Variants in DIABLO observed in about 807,000 individuals in gnomAD.
The protein encoded by DIABLO is diablo homolog, mitochondrial.
A neutral mutation model predicts 31.7 loss-of-function variants in DIABLO; 32 were observed. That is an observed-to-expected ratio of 1.01 (90% CI 0.76 to 1.35). DIABLO has a LOEUF of 1.35. Ranked by LOEUF, DIABLO falls within the 40% of genes most tolerant of loss-of-function variation. The probability of loss-of-function intolerance (pLI) is 0.00; values close to 1 mark genes in which losing one functional copy is unlikely to be tolerated. For synonymous variants in DIABLO, 132 were observed against 103.2 expected (o/e 1.28, Z -1.69); for missense variants, 316 against 286.4 (o/e 1.10, Z -0.75).
intron 5 of DIABLO, 41 bp downstream of exon 5, chr12:122,216,446 TA>T: frequency 6.5e-7 from 1 of 1,538,548 alleles, no homozygotes; most frequent in Non-Finnish European, 9.0e-7. Flanking sequence ...CCTTCCTAGT[TA>T]AAAAATTAAA....
upstream of DIABLO, chr12:122,226,359 A>T (rs1566031578): frequency 6.9e-6 from 3 of 435,358 alleles, no homozygotes; most frequent in Admixed American, 9.4e-5. Flanking sequence ...TTTCCTGGTG[A>T]GTTAGGGAGG....
chr12:122,226,486 G>A, upstream of DIABLO: 1 of 699,122 alleles, frequency 1.4e-6, no homozygotes, highest in Middle Eastern at 3.7e-4. Flanking sequence ...GCCCCGATGA[G>A]CACCGTGTAG....
At chr12:122,222,470 G>T (rs900984893) in intron 2 of DIABLO, 2 of 152,060 alleles carry the variant, frequency 1.3e-5, no homozygotes, top group Non-Finnish European at 2.9e-5. Context: ...GGGTGTGGTG[G>T]CGGGCGCCTG....
chr12:122,210,563 TAG>T (rs1200141388), intron 5 of DIABLO, among the ~76,000 whole-genome samples: 4 of 151,398 alleles, frequency 2.6e-5, no homozygotes, highest in African/African-American at 9.8e-5. Flanking sequence ...TTTATTTTAG[TAG>T]AGACGGGGTT....
At chr12:122,212,894 G>C (rs1954119310) in intron 5 of DIABLO, among the ~76,000 whole-genome samples, 2 of 152,018 alleles carry the variant, frequency 1.3e-5, no homozygotes, top group South Asian at 4.1e-4. Flanking sequence ...TAAAGTGCTG[G>C]GATTACAGGC....
chr12:122,215,497 G>C (rs1159387583), intron 5 of DIABLO, among the ~76,000 whole-genome samples: 1 of 152,204 alleles, frequency 6.6e-6, no homozygotes. Context: ...CCAGCTACTT[G>C]GGAGGCTGAG....
At chr12:122,214,046 C>A (rs1954148043) in intron 5 of DIABLO, among the ~76,000 whole-genome samples, 1 of 152,114 alleles carries the variant, frequency 6.6e-6, no homozygotes, top group East Asian at 1.9e-4. Flanking sequence ...GTTCACACCA[C>A]TGCACTCCAG....
intron 1 of DIABLO, 178 bp downstream of exon 1, chr12:122,225,787 C>G: frequency 1.4e-6 from 2 of 1,455,754 alleles, no homozygotes; most frequent in Non-Finnish European, 1.8e-6. Context: ...CGGGCTTGAC[C>G]CAGGGGGCGG....
chr12:122,225,841 C>T (rs1954452623), intron 1 of DIABLO, 124 bp downstream of exon 1: 15 of 1,521,194 alleles, frequency 9.9e-6, no homozygotes, highest in Non-Finnish European at 1.2e-5. Context: ...CGAGACGCCG[C>T]GACCCAGCTG....
At chr12:122,224,694 G>A in intron 1 of DIABLO, 50 bp from the exon 2 acceptor site, 2 of 1,613,962 alleles carry the variant, frequency 1.2e-6, no homozygotes, top group Non-Finnish European at 1.7e-6. Flanking sequence ...ATCTGTAACA[G>A]GCTCTTGGAT....
In DIABLO at chr12:122,208,418, G is replaced by GCCCGCTCCT. The variant is rs778199816; in HGVS notation, c.674_682dup (p.Glu225_Arg227dup). ...CAGGTAGGCCTCCTGCTCCGACTCA[G>GCCCGCTCCT]CCCGCTCCTCCCCTTCCTCCTGTGT... is the stretch of plus-strand genomic sequence containing the variant. On this transcript the variant is annotated inframe_insertion, in exon 6 of 6. Transcript: ENST00000464942. The GCCCGCTCCT allele has an allele frequency of 5.6e-6, 9 of 1,613,222 alleles. No individual in the cohort carries two copies. In the African/African-American group the frequency reaches 6.7e-5, roughly 12 times the overall value.
chr12:122,225,753 A>AGAT, intron 1 of DIABLO: 4 of 1,437,736 alleles, frequency 2.8e-6, no homozygotes, highest in Non-Finnish European at 3.6e-6. Flanking sequence ...CGTTTCTAGA[A>AGAT]GATGGACGAA....
Position 122,224,568 on chromosome 12 carries a change from G to T in DIABLO, c.127C>A (p.His43Asn). 6.2e-7 allele frequency: 1 copy of T among 1,613,880 alleles called. No individual in the cohort carries two copies. Residue 43 changes from histidine (H) to asparagine (N), a missense_variant, in exon 2 of 6, where the codon CAC becomes AAC. Coordinates refer to ENST00000464942, the MANE Select transcript of DIABLO (RefSeq NM_001371333.1). The part of the protein sequence containing the change: ...RCFSELIRPW[H>N]KTVTIGFGVT... ...CCAAAGCCAATCGTCACAGTTTTGT[G>T]CCATGGTCTTATCAATTCTGAGAAA...
upstream of DIABLO, chr12:122,226,098 A>C (rs1566031083): frequency 6.5e-7 from 1 of 1,537,522 alleles, no homozygotes; most frequent in African/African-American, 1.4e-5. Flanking sequence ...TCCACCTGAG[A>C]GCGCCTCGCC....
intron 5 of DIABLO, among the ~76,000 whole-genome samples, chr12:122,210,670 C>T (rs537862275): frequency 2.8e-4 from 42 of 152,140 alleles, no homozygotes; most frequent in African/African-American, 7.0e-4. Flanking sequence ...TGAGCCACCG[C>T]GCCCAGGTGA....
At chr12:122,212,501 G>A (rs1244835388) in intron 5 of DIABLO, among the ~76,000 whole-genome samples, 10 of 152,106 alleles carry the variant, frequency 6.6e-5, no homozygotes, top group East Asian at 1.9e-4. Context: ...CTAGTGTTGC[G>A]GAGAAGATGC....
chr12:122,215,986 C>T (rs1288173668), intron 5 of DIABLO, among the ~76,000 whole-genome samples: 1 of 151,844 alleles, frequency 6.6e-6, no homozygotes, highest in Non-Finnish European at 1.5e-5. Flanking sequence ...CCCATCTGCC[C>T]TCTAGTTTCT....
At chr12:122,209,492 C>T (rs528105515) in intron 5 of DIABLO, among the ~76,000 whole-genome samples, 1 of 152,236 alleles carries the variant, frequency 6.6e-6, no homozygotes, top group East Asian at 1.9e-4. Flanking sequence ...GGTGAAACCC[C>T]GTTTCTACTA....
At position 122,209,867 on chromosome 12, in the gene DIABLO, CCA is replaced by C. The variant is rs758990009; in HGVS notation, c.524-1292_524-1291del. 12 of 699,922 alleles carry C rather than the reference CCA, an allele frequency of 1.7e-5. No individual in the cohort carries two copies. In the South Asian group the frequency reaches 1.8e-4, roughly 10 times the overall value. 43.4% of individuals were successfully genotyped at this position (699,922 alleles called of 1,614,324 possible). On this transcript the variant is annotated intron_variant, in intron 5 of 5. Transcript: ENST00000464942. ...CTTCGATGAAAACACTTCTGAAAGTCCACACAATTAAGTAGGATTACTTAACC... is the reference window on the plus strand; with the variant it reads ...CTTCGATGAAAACACTTCTGAAAGTCCACAATTAAGTAGGATTACTTAACC...
Sources: allele counts gnomAD v4.1 joint callset (sites outside exome capture counted in the v4.1 genomes callset), GRCh38; gene constraint gnomAD v4.1.1; transcripts MANE v1.5; gene names NCBI Gene and HGNC (gene_info 2026-07-23, HGNC 2026-07-21).